The following RAP1GAP2 variants were observed in gnomAD, a reference collection of about 807,000 sequenced individuals.
The protein encoded by RAP1GAP2 is RAP1 GTPase activating protein 2, also known as rap1 GTPase-activating protein 2.
Under a neutral mutation model 95.0 loss-of-function variants are expected in RAP1GAP2, and 27 were observed. The ratio of observed to expected loss-of-function variants is 0.28; its 90% CI spans 0.21 to 0.39. RAP1GAP2 has a LOEUF of 0.39. RAP1GAP2 is among the 10% of genes least tolerant of loss of function. The pLI is 1.00. For missense variants in RAP1GAP2, 771 were observed against 970.0 expected, an observed-to-expected ratio of 0.79 and a Z score of 2.72; for synonymous variants, 373 against 380.9, an observed-to-expected ratio of 0.98 and a Z score of 0.24.
chr17:2,920,374 C>T (rs1172406785), intron 3 of RAP1GAP2, among the ~76,000 whole-genome samples: 4 of 152,178 alleles, frequency 2.6e-5, no homozygotes, highest in South Asian at 2.1e-4. Context: ...CAGGGGCCCC[C>T]CAACCCCCGC....
At chr17:3,031,096 G>C in intron 23 of RAP1GAP2, 98 bp downstream of exon 23, 1 of 1,324,292 alleles carries the variant, frequency 7.6e-7, no homozygotes, top group Non-Finnish European at 1.0e-6. Flanking sequence ...TCCCAGAGGG[G>C]GCTCCCCGAA....
At chr17:2,966,592 C>T (rs1478727966) in intron 8 of RAP1GAP2, among the ~76,000 whole-genome samples, 3 of 152,132 alleles carry the variant, frequency 2.0e-5, no homozygotes, top group African/African-American at 4.8e-5. Flanking sequence ...GGTGGGGGTC[C>T]GTGGTTTCAG....
rs1425535223 is a variant in RAP1GAP2 at position 2,867,602 on chromosome 17, G to A, written c.81-37682G>A. ...TACGCATCCCTGAACTTTGGCCAGAGGGGTGGGATACACTGATTCATGAAG... is the reference window on the plus strand; with the variant it reads ...TACGCATCCCTGAACTTTGGCCAGAAGGGTGGGATACACTGATTCATGAAG... On this transcript the variant is annotated intron_variant, in intron 2 of 24. Transcript: ENST00000254695. The surrounding 1 kb of genome is among the most constrained non-coding windows in gnomAD (Gnocchi z 4.5). Among the ~76,000 whole-genome samples, 2 of 152,166 alleles carry A rather than the reference G, an allele frequency of 1.3e-5. No homozygotes were observed. The highest frequency in any genetic ancestry group is 1.3e-4 in the Admixed American group (2 of 15,278).
chr17:3,032,432 G>C lies in RAP1GAP2; in HGVS notation c.*13G>C. 6.2e-7 allele frequency: 1 copy of C among 1,613,904 alleles called. No individual in the cohort carries two copies. The highest frequency in any genetic ancestry group is 2.2e-5 in the East Asian group (1 of 44,882). ...ACAGGGTCACTAATGTGAAAGTGGA[G>C]TCCTTCGCCTGTCCAAGGTGGGTTG... On this transcript the variant is annotated 3_prime_UTR_variant, in exon 24 of 25. Coordinates refer to ENST00000254695, the MANE Select transcript of RAP1GAP2 (RefSeq NM_015085.5).
rs540037112 is a variant in RAP1GAP2, at chr17:2,855,108, A to G, written c.81-50176A>G. Among the ~76,000 whole-genome samples the G allele has an allele frequency of 1.4e-4, 21 of 152,292 alleles. No individual in the cohort carries two copies. The highest frequency in any genetic ancestry group is 2.4e-4 in the Non-Finnish European group (16 of 68,014). The stretch of plus-strand genomic sequence containing the variant: ...TACCTGGGGTGGTGGTAGGCAGGGA[A>G]TACGGGGGACTTTGAGAAGCTGGCA... On this transcript the variant is annotated intron_variant, in intron 2 of 24. Transcript: ENST00000254695. This position sits in a 1 kb window ranked among gnomAD's most constrained non-coding sequence, Gnocchi z 4.3.
intron 3 of RAP1GAP2, among the ~76,000 whole-genome samples, chr17:2,913,318 C>T (rs142499280): frequency 0.02 from 2,975 of 152,018 alleles, 53 homozygotes; most frequent in South Asian, 0.03. Context: ...GATGGAATCT[C>T]GCTCTTGTCA....
At chr17:2,986,422 A>G (rs1294997459) in intron 11 of RAP1GAP2, among the ~76,000 whole-genome samples, 1 of 152,204 alleles carries the variant, frequency 6.6e-6, no homozygotes, top group Non-Finnish European at 1.5e-5. Context: ...TAAGCTGATT[A>G]TAATCCAATG....
intron 2 of RAP1GAP2, among the ~76,000 whole-genome samples, chr17:2,843,562 C>T (rs562295904): frequency 5.3e-5 from 8 of 152,148 alleles, no homozygotes; most frequent in Admixed American, 5.2e-4. Context: ...GCTGGGATTA[C>T]AGGTGTGAGC....
chr17:2,968,554 AGTATTTCATAGATAT>A, intron 8 of RAP1GAP2, among the ~76,000 whole-genome samples: 1 of 152,318 alleles, frequency 6.6e-6, no homozygotes, highest in African/African-American at 2.4e-5. Context: ...ATGAAAATTT[AGTATTTCATAGATAT>A]AAAGTTACTA....
At chr17:3,021,998 A>G (rs1036371420) in intron 19 of RAP1GAP2, among the ~76,000 whole-genome samples, 4 of 152,016 alleles carry the variant, frequency 2.6e-5, no homozygotes, top group African/African-American at 9.7e-5. Flanking sequence ...GGATATATTT[A>G]CCCTGCAGGG....
intron 19 of RAP1GAP2, 22 bp downstream of exon 19, chr17:3,020,617 C>T: frequency 6.2e-7 from 1 of 1,604,408 alleles, no homozygotes; most frequent in Non-Finnish European, 8.5e-7. Flanking sequence ...GAAACCCCTA[C>T]CCCAGCCTGA....
At chr17:2,843,998 G>T (rs887138492) in intron 2 of RAP1GAP2, among the ~76,000 whole-genome samples, 35 of 151,956 alleles carry the variant, frequency 2.3e-4, no homozygotes, top group African/African-American at 7.3e-4. Context: ...AAGATGGCCG[G>T]CGCGCTTTTT....
chr17:2,939,883 G>A (rs112821754), intron 3 of RAP1GAP2, among the ~76,000 whole-genome samples: 8 of 152,372 alleles, frequency 5.3e-5, no homozygotes, highest in South Asian at 4.1e-4. Flanking sequence ...AAAGGTCAGC[G>A]CTAGTCAGCG....
At chr17:2,799,388 G>A (rs949355916) in intron 1 of RAP1GAP2, among the ~76,000 whole-genome samples, 2 of 152,192 alleles carry the variant, frequency 1.3e-5, no homozygotes, top group African/African-American at 4.8e-5. Context: ...AGAAGGTGCT[G>A]GGAGTTTACT....
intron 2 of RAP1GAP2, among the ~76,000 whole-genome samples, chr17:2,829,562 A>G (rs2151540855): frequency 6.6e-6 from 1 of 152,270 alleles, no homozygotes; most frequent in South Asian, 2.1e-4. Flanking sequence ...TGGATGGCAA[A>G]GCAGATGGCA....
intron 3 of RAP1GAP2, among the ~76,000 whole-genome samples, chr17:2,944,888 T>C (rs1042542671): frequency 2.6e-5 from 4 of 152,228 alleles, no homozygotes; most frequent in Non-Finnish European, 4.4e-5. Context: ...TGCTATTTTA[T>C]TTTTTATTTT....
chr17:2,790,208 G>A (rs2068889183), intron 1 of RAP1GAP2, among the ~76,000 whole-genome samples: 1 of 152,006 alleles, frequency 6.6e-6, no homozygotes, highest in Non-Finnish European at 1.5e-5. Context: ...CACCTCCTGG[G>A]TTCAAGCAAT....
intron 3 of RAP1GAP2, among the ~76,000 whole-genome samples, chr17:2,955,489 G>C (rs1206121454): frequency 6.6e-6 from 1 of 152,144 alleles, no homozygotes; most frequent in Non-Finnish European, 1.5e-5. Flanking sequence ...TTCTGACTGA[G>C]TTGTAAGAGT....
intron 3 of RAP1GAP2, among the ~76,000 whole-genome samples, chr17:2,921,670 G>T (rs557726065): frequency 1.3e-4 from 20 of 152,000 alleles, no homozygotes; most frequent in Admixed American, 9.9e-4. Flanking sequence ...GGCCGTTAAG[G>T]TGTCAGCAGG....
Sources: allele counts gnomAD v4.1 joint callset (sites outside exome capture counted in the v4.1 genomes callset), GRCh38; gene constraint gnomAD v4.1.1; non-coding constraint Gnocchi (gnomAD v3.1); transcripts MANE v1.5; gene names NCBI Gene and HGNC (gene_info 2026-07-23, HGNC 2026-07-21).